Variants in CREM observed in about 807,000 individuals in gnomAD.
CREM encodes cAMP responsive element modulator, also known as cAMP-responsive element modulator.
A neutral mutation model predicts 37.3 loss-of-function variants in CREM; 13 were observed. The ratio of observed to expected loss-of-function variants is 0.35; its 90% CI spans 0.23 to 0.55. CREM has a LOEUF of 0.55. Among genes scored for constraint, CREM ranks in the 20% least tolerant of loss-of-function variants. The probability of loss-of-function intolerance (pLI) is 0.88; values close to 1 mark genes in which losing one functional copy is unlikely to be tolerated. For missense variants in CREM, 296 were observed against 362.3 expected (o/e 0.82, Z 1.49); for synonymous variants, 124 against 120.2 (o/e 1.03, Z -0.21).
chr10:35,136,563 G>A (rs573510461), intron 1 of CREM, among the ~76,000 whole-genome samples: 3 of 152,316 alleles, frequency 2.0e-5, no homozygotes, highest in East Asian at 1.9e-4. Context: ...GGTAGCAGTA[G>A]TAACCATCGC....
intron 3 of CREM, among the ~76,000 whole-genome samples, chr10:35,153,674 G>T (rs140003755): frequency 6.6e-6 from 1 of 152,152 alleles, no homozygotes; most frequent in Non-Finnish European, 1.5e-5. Context: ...CTGAAGCCTG[G>T]AGGCCTCGAC....
Position 35,137,845 on chromosome 10 carries a change from T to C in CREM, c.10T>C (p.Cys4Arg). The C allele has an allele frequency of 6.3e-7, 1 of 1,585,254 alleles. No individual in the cohort carries two copies. Among genetic ancestry groups the C allele is most frequent in the Non-Finnish European group, 8.6e-7 (1 of 1,164,394 alleles). Residue 4 changes from cysteine (C) to arginine (R), a missense_variant, in exon 2 of 8, where the codon TGT (cysteine) becomes CGT (arginine). By Grantham distance (180) the Cys-to-Arg change is radical. Coordinates refer to ENST00000685392, the MANE Select transcript of CREM (RefSeq NM_183011.2). MSK[C>R]ARKKYIKTNP... ...TACAAATATCTTAACAATGAGCAAATGTGCAAGGAAAAAATATATTAAGAC... is the reference window on the plus strand; with the variant it reads ...TACAAATATCTTAACAATGAGCAAACGTGCAAGGAAAAAATATATTAAGAC...
chr10:35,163,301 A>G (rs2093383177), intron 3 of CREM, among the ~76,000 whole-genome samples: 1 of 152,192 alleles, frequency 6.6e-6, no homozygotes, highest in African/African-American at 2.4e-5. Flanking sequence ...ATACCATGGT[A>G]GGTATTGCCT....
chr10:35,155,193 G>T (rs998148358), intron 3 of CREM, among the ~76,000 whole-genome samples: 1 of 152,116 alleles, frequency 6.6e-6, no homozygotes, highest in Non-Finnish European at 1.5e-5. Context: ...AATTTGTAAT[G>T]ATTATGAGGT....
intron 7 of CREM, chr10:35,210,325 C>T (rs1196823103): frequency 6.6e-6 from 1 of 151,898 alleles, no homozygotes; most frequent in Non-Finnish European, 1.5e-5. Flanking sequence ...TCCCTCCCAC[C>T]CTGAAAAAAA....
At chr10:35,174,325 T>G (rs2093954259) in intron 3 of CREM, among the ~76,000 whole-genome samples, 1 of 152,254 alleles carries the variant, frequency 6.6e-6, no homozygotes, top group Admixed American at 6.5e-5. Flanking sequence ...TCTGTACTAT[T>G]TGGTGTGCCA....
intron 1 of CREM, among the ~76,000 whole-genome samples, chr10:35,134,532 GTTAAT>G (rs1287690877): frequency 6.6e-6 from 1 of 152,064 alleles, no homozygotes; most frequent in Non-Finnish European, 1.5e-5. Flanking sequence ...ATTTTTAAGT[GTTAAT>G]TTAATACTAT....
chr10:35,149,098 G>A (rs1414699432), intron 3 of CREM, among the ~76,000 whole-genome samples: 5 of 152,180 alleles, frequency 3.3e-5, no homozygotes, highest in African/African-American at 9.7e-5. Context: ...GTTTGGTAGG[G>A]TAGACAGATA....
At chr10:35,129,268 G>C (rs1025530896) in intron 1 of CREM, among the ~76,000 whole-genome samples, 1 of 152,090 alleles carries the variant, frequency 6.6e-6, no homozygotes, top group Non-Finnish European at 1.5e-5. Flanking sequence ...TTTATTTTTA[G>C]TCTTTTTGTT....
chr10:35,147,073 C>T (rs1417125483), intron 2 of CREM, among the ~76,000 whole-genome samples: 2 of 112,574 alleles, frequency 1.8e-5, no homozygotes, highest in Non-Finnish European at 3.4e-5. Flanking sequence ...TTTTTTAAGA[C>T]GGAGTCTCGC....
rs2134766994 is a variant in CREM at position 35,209,343 on chromosome 10, T to C, written c.756-1911T>C. 7.1e-6 allele frequency: 7 copies of C among 985,434 alleles called. No individual in the cohort carries two copies. The South Asian group carries it at 2.8e-4, about 40-fold the overall frequency. 61.0% of individuals were successfully genotyped at this position (985,434 alleles called of 1,614,324 possible). ...CAGAGTTTCTTCCTTGCCTTGCACT[T>C]CCTCTCCGTGCTGAGGATACACCCA... is the stretch of plus-strand genomic sequence containing the variant. On this transcript the variant is annotated intron_variant, in intron 7 of 7. Coordinates refer to ENST00000685392, the MANE Select transcript of CREM (RefSeq NM_183011.2).
At chr10:35,175,431 G>C (rs1469795255) in intron 3 of CREM, among the ~76,000 whole-genome samples, 2 of 151,922 alleles carry the variant, frequency 1.3e-5, no homozygotes, top group African/African-American at 4.9e-5. Flanking sequence ...GGGCAGCAGA[G>C]CAAGACTCCG....
chr10:35,164,780 TG>T (rs2093456592), intron 3 of CREM, among the ~76,000 whole-genome samples: 1 of 152,214 alleles, frequency 6.6e-6, no homozygotes, highest in South Asian at 2.1e-4. Flanking sequence ...GCTGGGGCAG[TG>T]GCCCATGCCT....
At chr10:35,162,010 T>TA (rs1336802686) in intron 3 of CREM, among the ~76,000 whole-genome samples, 2 of 152,208 alleles carry the variant, frequency 1.3e-5, no homozygotes, top group South Asian at 2.1e-4. Context: ...ATGGCCAAGA[T>TA]ACGGAATCAG....
intron 6 of CREM, among the ~76,000 whole-genome samples, chr10:35,199,246 G>A (rs2095311867): frequency 6.6e-6 from 1 of 152,170 alleles, no homozygotes; most frequent in African/African-American, 2.4e-5. Flanking sequence ...AAATAACAAG[G>A]CATTTATCTA....
In CREM at chr10:35,200,947, C is replaced by T. The variant is rs140718165; in HGVS notation, c.599-5948C>T. 7.4e-4 allele frequency among the ~76,000 whole-genome samples: 113 copies of T among 152,136 alleles called. No individual in the cohort carries two copies. The East Asian group carries it at 0.017, about 23-fold the overall frequency. On this transcript the variant is annotated intron_variant, in intron 6 of 7. Transcript: ENST00000685392. Reference sequence around the variant, plus strand: ...ACTTTGGAAGTTACCAACATAGGTACTTGGCTGGGTTTCTTATTTATTTCT... The same window carrying T: ...ACTTTGGAAGTTACCAACATAGGTATTTGGCTGGGTTTCTTATTTATTTCT...
At chr10:35,132,936 A>G (rs1400630582) in intron 1 of CREM, among the ~76,000 whole-genome samples, 3 of 152,214 alleles carry the variant, frequency 2.0e-5, no homozygotes, top group African/African-American at 7.2e-5. Flanking sequence ...ATTACAGTTA[A>G]CCTATGGATA....
chr10:35,155,169 A>G (rs2092817985), intron 3 of CREM, among the ~76,000 whole-genome samples: 1 of 152,190 alleles, frequency 6.6e-6, no homozygotes, highest in African/African-American at 2.4e-5. Context: ...AGAGACTGTT[A>G]AAGATTTTTT....
At chr10:35,207,667 G>T (rs376837898) in intron 7 of CREM, among the ~76,000 whole-genome samples, 66 of 152,012 alleles carry the variant, frequency 4.3e-4, no homozygotes, top group African/African-American at 1.4e-3. Flanking sequence ...CCAGCTACTC[G>T]GGAGGCTGAG....
Sources: gnomAD v4.1 joint callset for allele counts (sites outside exome capture counted in the v4.1 genomes callset) on GRCh38, gnomAD v4.1.1 for gene constraint, MANE v1.5 for transcripts, NCBI Gene and HGNC (gene_info 2026-07-23, HGNC 2026-07-21) for gene names.